The following FOXP1 variants were observed in gnomAD, a reference collection of about 807,000 sequenced individuals.
The protein encoded by FOXP1 is forkhead box P1.
FOXP1 carries 15 observed loss-of-function variants against 98.2 expected under a neutral mutation model. The observed-to-expected ratio is 0.15, with a 90% CI of 0.10 to 0.24. The LOEUF is 0.24. Among genes scored for constraint, FOXP1 ranks in the 10% least tolerant of loss-of-function variants. The probability of loss-of-function intolerance (pLI) is 1.00; values close to 1 mark genes in which losing one functional copy is unlikely to be tolerated. For missense variants in FOXP1, 633 were observed against 848.5 expected, an observed-to-expected ratio of 0.75 and a Z score of 3.15; for synonymous variants, 371 against 314.5, an observed-to-expected ratio of 1.18 and a Z score of -1.90.
At chr3:71,183,620 G>A (rs761318202) in intron 6 of FOXP1, among the ~76,000 whole-genome samples, 16 of 152,262 alleles carry the variant, frequency 1.1e-4, no homozygotes, top group African/African-American at 2.6e-4. Flanking sequence ...AATTATTTCC[G>A]TTTGATGGAT....
At chr3:71,474,654 T>C (rs1219474813) in intron 3 of FOXP1, among the ~76,000 whole-genome samples, 1 of 151,860 alleles carries the variant, frequency 6.6e-6, no homozygotes, top group African/African-American at 2.4e-5. Context: ...GGGATCAAAG[T>C]TGTGCACTCC....
chr3:71,044,891 C>A (rs780244291), intron 10 of FOXP1, among the ~76,000 whole-genome samples: 3 of 152,086 alleles, frequency 2.0e-5, no homozygotes, highest in Non-Finnish European at 4.4e-5. Flanking sequence ...ACCCAGGTGA[C>A]CATGTTCAAG....
intron 4 of FOXP1, among the ~76,000 whole-genome samples, chr3:71,326,507 C>T (rs1291964567): frequency 6.6e-6 from 1 of 152,168 alleles, no homozygotes; most frequent in Non-Finnish European, 1.5e-5. Context: ...GAGCTGATGG[C>T]ATCCTGGCTC....
chr3:71,410,464 T>C (rs772224835), intron 3 of FOXP1, among the ~76,000 whole-genome samples: 4 of 152,254 alleles, frequency 2.6e-5, no homozygotes, highest in Non-Finnish European at 4.4e-5. Flanking sequence ...TTGTGGCTTA[T>C]CCTTCCTGAC....
chr3:71,200,005 C>A (rs1425842628), intron 5 of FOXP1, among the ~76,000 whole-genome samples: 1 of 135,796 alleles, frequency 7.4e-6, no homozygotes, highest in Admixed American at 8.6e-5. Flanking sequence ...GAACCGGGAC[C>A]TGGGAGGCGG....
intron 4 of FOXP1, among the ~76,000 whole-genome samples, chr3:71,320,805 T>C (rs775975514): frequency 6.6e-6 from 1 of 152,150 alleles, no homozygotes; most frequent in African/African-American, 2.4e-5. Context: ...TTTGTTCCTC[T>C]CCCTACTACA....
At chr3:71,272,116 A>C (rs569474558) in intron 5 of FOXP1, among the ~76,000 whole-genome samples, 1 of 152,336 alleles carries the variant, frequency 6.6e-6, no homozygotes, top group African/African-American at 2.4e-5. Flanking sequence ...AGTGACTTGA[A>C]GATAAGGCAT....
At chr3:70,967,719 T>TTTTTTTTTTTTTTA (rs2035244691) in intron 19 of FOXP1, among the ~76,000 whole-genome samples, 1 of 136,202 alleles carries the variant, frequency 7.3e-6, no homozygotes. Context: ...TGTTTTTTTT[T>TTTTTTTTTTTTTTA]TTTTTTTTTG....
chr3:71,324,622 G>T (rs186759996), intron 4 of FOXP1, among the ~76,000 whole-genome samples: 55 of 152,064 alleles, frequency 3.6e-4, no homozygotes, highest in African/African-American at 1.2e-3. Flanking sequence ...GTCGTGGGGT[G>T]GGGGGAGTGG....
intron 4 of FOXP1, among the ~76,000 whole-genome samples, chr3:71,326,222 G>T (rs1024566629): frequency 1.3e-5 from 2 of 152,142 alleles, no homozygotes; most frequent in African/African-American, 4.8e-5. Flanking sequence ...GTAATCTTTG[G>T]TCACCAGATC....
intron 7 of FOXP1, among the ~76,000 whole-genome samples, chr3:71,111,412 T>C (rs946338092): frequency 6.6e-6 from 1 of 152,220 alleles, no homozygotes; most frequent in Non-Finnish European, 1.5e-5. Context: ...TTTGTTGTTT[T>C]TTGAGATGGA....
At chr3:71,258,300 G>A (rs552473182) in intron 5 of FOXP1, among the ~76,000 whole-genome samples, 2 of 152,290 alleles carry the variant, frequency 1.3e-5, no homozygotes, top group African/African-American at 4.8e-5. Flanking sequence ...TGAAGGATGA[G>A]TAGGATGTTA....
At chr3:71,472,679 C>A (rs780651649) in intron 3 of FOXP1, among the ~76,000 whole-genome samples, 17 of 152,168 alleles carry the variant, frequency 1.1e-4, no homozygotes, top group Non-Finnish European at 1.9e-4. Flanking sequence ...CCATTTTACT[C>A]CTAACAAGGC....
chr3:71,303,948 C>T (rs1397939862), intron 4 of FOXP1, among the ~76,000 whole-genome samples: 6 of 152,188 alleles, frequency 3.9e-5, no homozygotes, highest in Admixed American at 3.9e-4. Context: ...GCTACCCAGG[C>T]TTGCAGCTTC....
chr3:71,210,912 T>A (rs1380655113), intron 5 of FOXP1: 2 of 152,224 alleles, frequency 1.3e-5, no homozygotes, highest in African/African-American at 4.8e-5. Flanking sequence ...TTTCTTTTCC[T>A]GAACCCTGGA....
chr3:71,081,096 G>A (rs181109807), intron 7 of FOXP1, among the ~76,000 whole-genome samples: 35 of 152,258 alleles, frequency 2.3e-4, no homozygotes, highest in African/African-American at 8.2e-4. Context: ...ACTGCTTAAC[G>A]CTAAGTGTTC....
At chr3:71,346,913 C>T (rs189891718) in intron 4 of FOXP1, among the ~76,000 whole-genome samples, 6 of 152,128 alleles carry the variant, frequency 3.9e-5, no homozygotes, top group Non-Finnish European at 5.9e-5. Flanking sequence ...CGTGGTGGCA[C>T]GCACCTGCCT....
rs1199269156 is a variant in FOXP1, at chr3:71,408,634, T to C, written c.-167-49390A>G. Among the ~76,000 whole-genome samples, 4 of 152,332 alleles carry C rather than the reference T, an allele frequency of 2.6e-5. No individual in the cohort carries two copies. In the East Asian group the frequency reaches 5.8e-4, roughly 22 times the overall value. On this transcript the variant is annotated intron_variant, in intron 3 of 20. Coordinates refer to ENST00000649528, the MANE Select transcript of FOXP1 (RefSeq NM_001349338.3). ...CTAAAGCGGAAGCATTTAGATGAGA[T>C]AGTAAAACAGTTGGTGGATGTTCTG...
chr3:71,461,371 AAGG>A (rs1273820744), intron 3 of FOXP1, among the ~76,000 whole-genome samples: 4 of 152,210 alleles, frequency 2.6e-5, no homozygotes, highest in Non-Finnish European at 5.9e-5. Flanking sequence ...ACGAGTGTTC[AAGG>A]AGATCTCATG....
Sources: allele counts gnomAD v4.1 joint callset (sites outside exome capture counted in the v4.1 genomes callset), GRCh38; gene constraint gnomAD v4.1.1; transcripts MANE v1.5; gene names NCBI Gene and HGNC (gene_info 2026-07-23, HGNC 2026-07-21).